ERC2: variants seen among roughly 807,000 people sequenced by gnomAD.
ERC2 encodes the protein ERC protein 2.
Under a neutral mutation model 114.8 loss-of-function variants are expected in ERC2, and 42 were observed. That is an observed-to-expected ratio of 0.37 (90% CI 0.29 to 0.47). The LOEUF is 0.47. ERC2 is among the 20% of genes least tolerant of loss of function. ERC2 has a pLI of 0.99. For missense variants in ERC2, 939 were observed against 1,150.7 expected, an observed-to-expected ratio of 0.82 and a Z score of 2.66; for synonymous variants, 454 against 425.5, an observed-to-expected ratio of 1.07 and a Z score of -0.82.
At chr3:56,232,105 G>A (rs1393081625) in intron 3 of ERC2, among the ~76,000 whole-genome samples, 1 of 150,408 alleles carries the variant, frequency 6.6e-6, no homozygotes, top group Non-Finnish European at 1.5e-5. Flanking sequence ...CAAGCAGCTG[G>A]GACTACAGGC....
At chr3:56,216,488 G>A (rs1056510818) in intron 3 of ERC2, among the ~76,000 whole-genome samples, 2 of 152,174 alleles carry the variant, frequency 1.3e-5, no homozygotes, top group Non-Finnish European at 2.9e-5. Flanking sequence ...CTCTGAAATT[G>A]AAGCAATAAT....
intron 17 of ERC2, among the ~76,000 whole-genome samples, chr3:55,628,843 G>A (rs763547223): frequency 6.6e-6 from 1 of 152,234 alleles, no homozygotes; most frequent in Non-Finnish European, 1.5e-5. Context: ...ACAAGTTGTA[G>A]ATTTGAATTC....
intron 3 of ERC2, among the ~76,000 whole-genome samples, chr3:56,271,316 T>C (rs1220881793): frequency 6.6e-6 from 1 of 152,178 alleles, no homozygotes; most frequent in Non-Finnish European, 1.5e-5. Context: ...AGCAATGACA[T>C]CCACGTGGGC....
At chr3:55,907,443 G>C (rs1286566331) in intron 13 of ERC2, among the ~76,000 whole-genome samples, 1 of 152,170 alleles carries the variant, frequency 6.6e-6, no homozygotes, top group Admixed American at 6.5e-5. Context: ...AATAGCATCA[G>C]GTACGTACTC....
intron 17 of ERC2, among the ~76,000 whole-genome samples, chr3:55,562,064 C>T (rs1559657008): frequency 6.6e-6 from 1 of 152,228 alleles, no homozygotes. Context: ...ATCTTGATAG[C>T]ATCGCCTGGG....
At chr3:55,527,322 G>A (rs1157935015) in intron 17 of ERC2, among the ~76,000 whole-genome samples, 1 of 152,128 alleles carries the variant, frequency 6.6e-6, no homozygotes, top group Non-Finnish European at 1.5e-5. Flanking sequence ...CTTAGTGGGG[G>A]GCCTCACAGT....
intron 15 of ERC2, among the ~76,000 whole-genome samples, chr3:55,730,797 G>A (rs1336212173): frequency 1.3e-5 from 2 of 152,228 alleles, no homozygotes; most frequent in African/African-American, 4.8e-5. Flanking sequence ...GCCGAAGTGA[G>A]CTGTGATTAT....
rs79791888 is a variant in ERC2, at chr3:55,951,345, A to T, written c.2268-785T>A. ...AAATACATTGTCATCACTTAGCTCA[A>T]ACACAATAACAGTTTGGCTAATCAT... On this transcript the variant is annotated intron_variant, in intron 12 of 17. Coordinates refer to ENST00000288221, the MANE Select transcript of ERC2 (RefSeq NM_015576.3). Among the ~76,000 whole-genome samples the T allele has an allele frequency of 0.018, 2,674 of 152,312 alleles. 278 individuals carry two copies. The East Asian group carries it at 0.3, about 17-fold the overall frequency.
chr3:56,334,979 A>G (rs2057786222), intron 2 of ERC2, among the ~76,000 whole-genome samples: 2 of 152,078 alleles, frequency 1.3e-5, no homozygotes, highest in African/African-American at 4.8e-5. Context: ...TAATTTTTGC[A>G]TATTTAGTAG....
intron 17 of ERC2, among the ~76,000 whole-genome samples, chr3:55,650,634 T>G (rs2060576797): frequency 6.6e-6 from 1 of 152,228 alleles, no homozygotes; most frequent in Non-Finnish European, 1.5e-5. Context: ...TCATATTTAC[T>G]GCTTGTTTAC....
At chr3:56,415,876 T>G (rs2061131562) in intron 2 of ERC2, among the ~76,000 whole-genome samples, 1 of 152,222 alleles carries the variant, frequency 6.6e-6, no homozygotes. Context: ...TACTTTTGCC[T>G]GCTTCAACTA....
chr3:56,027,557 T>C (rs2074120766), intron 7 of ERC2, among the ~76,000 whole-genome samples: 1 of 152,220 alleles, frequency 6.6e-6, no homozygotes, highest in Non-Finnish European at 1.5e-5. Flanking sequence ...ATTTTGCATT[T>C]CCCTAATGGC....
chr3:56,120,673 T>A (rs560623366), intron 6 of ERC2, among the ~76,000 whole-genome samples: 2 of 152,362 alleles, frequency 1.3e-5, no homozygotes, highest in African/African-American at 4.8e-5. Flanking sequence ...CTTGTTAGAA[T>A]GATCTGATAT....
chr3:56,126,404 C>T (rs989024211), intron 6 of ERC2, among the ~76,000 whole-genome samples: 2 of 152,026 alleles, frequency 1.3e-5, no homozygotes, highest in African/African-American at 2.4e-5. Context: ...GTTTAACATC[C>T]CTTCATGATA....
intron 13 of ERC2, among the ~76,000 whole-genome samples, chr3:55,922,900 T>C (rs1453132968): frequency 6.6e-6 from 1 of 152,116 alleles, no homozygotes; most frequent in African/African-American, 2.4e-5. Context: ...GGTGAGGATG[T>C]GGGGGAATTG....
chr3:55,536,374 C>T (rs868014233), intron 17 of ERC2, among the ~76,000 whole-genome samples: 33 of 152,292 alleles, frequency 2.2e-4, no homozygotes, highest in African/African-American at 7.9e-4. Context: ...CCTGAGACTT[C>T]CCAGACGTAG....
At chr3:55,748,221 T>C (rs1158326908) in intron 14 of ERC2, among the ~76,000 whole-genome samples, 1 of 152,246 alleles carries the variant, frequency 6.6e-6, no homozygotes, top group Non-Finnish European at 1.5e-5. Context: ...TATGAAATTA[T>C]GAACTCCAAC....
Position 55,699,343 on chromosome 3 carries a change from A to G in ERC2, c.2847+35T>C, listed in dbSNP as rs760132339. ...TTATCTTAAAATATCTAAAGGGTAA[A>G]AGGGGTCTTGGAGGTAAGCAGCGAT... is the stretch of plus-strand genomic sequence containing the variant. On this transcript the variant is annotated intron_variant, in intron 16 of 17. Coordinates refer to ENST00000288221, the MANE Select transcript of ERC2 (RefSeq NM_015576.3). 3.7e-6 allele frequency: 6 copies of G among 1,612,430 alleles called. No individual in the cohort carries two copies. In the South Asian group the frequency reaches 5.5e-5, roughly 15 times the overall value.
intron 17 of ERC2, among the ~76,000 whole-genome samples, chr3:55,623,208 C>A (rs2059389987): frequency 6.6e-6 from 1 of 152,182 alleles, no homozygotes; most frequent in Non-Finnish European, 1.5e-5. Context: ...AGCTTTCATT[C>A]CCTCAGTTTC....
Sources: allele counts gnomAD v4.1 joint callset (sites outside exome capture counted in the v4.1 genomes callset), GRCh38; gene constraint gnomAD v4.1.1; transcripts MANE v1.5; gene names NCBI Gene and HGNC (gene_info 2026-07-23, HGNC 2026-07-21).